Variants in MACROD2 observed in about 807,000 individuals in gnomAD.
MACROD2 encodes the protein mono-ADP ribosylhydrolase 2.
MACROD2 carries 36 observed loss-of-function variants against 70.4 expected under a neutral mutation model. The observed-to-expected ratio is 0.51, with a 90% CI of 0.39 to 0.68. The LOEUF (loss-of-function observed/expected upper bound fraction) is 0.68, where lower values mean the gene tolerates loss of function less well. Ranked by LOEUF, MACROD2 falls within the 30% of genes least tolerant of loss-of-function variation. The pLI is 0.00. For missense variants in MACROD2, 496 were observed against 538.4 expected, an observed-to-expected ratio of 0.92 and a Z score of 0.78; for synonymous variants, 172 against 178.8, an observed-to-expected ratio of 0.96 and a Z score of 0.30.
chr20:15,153,482 C>T (rs1385771437), intron 5 of MACROD2, among the ~76,000 whole-genome samples: 1 of 152,090 alleles, frequency 6.6e-6, no homozygotes, highest in Admixed American at 6.5e-5. Flanking sequence ...GATGGCTTAG[C>T]TTGGGCTCAG....
intron 6 of MACROD2, among the ~76,000 whole-genome samples, chr20:15,274,205 G>A (rs926512190): frequency 6.6e-6 from 1 of 152,156 alleles, no homozygotes; most frequent in African/African-American, 2.4e-5. Flanking sequence ...CTGGAATACA[G>A]CCATCAGGAT....
intron 3 of MACROD2, among the ~76,000 whole-genome samples, chr20:14,440,623 G>A (rs564191214): frequency 8.5e-5 from 13 of 152,298 alleles, no homozygotes; most frequent in South Asian, 4.1e-4. Context: ...AAAATGAGAC[G>A]TCTGTAGAAG....
chr20:15,660,738 A>C (rs895212122), intron 8 of MACROD2, among the ~76,000 whole-genome samples: 1 of 152,208 alleles, frequency 6.6e-6, no homozygotes, highest in Non-Finnish European at 1.5e-5. Flanking sequence ...ACCCACAGGC[A>C]TGAACTGTGG....
At chr20:15,059,798 T>A (rs2075517360) in intron 5 of MACROD2, among the ~76,000 whole-genome samples, 1 of 152,220 alleles carries the variant, frequency 6.6e-6, no homozygotes, top group African/African-American at 2.4e-5. Context: ...TCCTTGCCTC[T>A]AACATCACTT....
At chr20:14,327,425 C>T (rs2082754690) in intron 3 of MACROD2, 1 of 1,613,576 alleles carries the variant, frequency 6.2e-7, no homozygotes, top group South Asian at 1.1e-5. Flanking sequence ...CAGGATTTAG[C>T]CATAACTGAT....
chr20:14,007,199 T>A lies in MACROD2; in HGVS notation c.163+4795T>A, dbSNP rs78217607. 2.0e-3 allele frequency among the ~76,000 whole-genome samples: 303 copies of A among 152,126 alleles called. 7 individuals are homozygous for A. In the East Asian group the frequency reaches 0.049, roughly 24 times the overall value. ...TGTCAGACTTCTATAAAGAGGAACT[T>A]TCTGTTATTAAGTCTTTTATTATGC... On this transcript the variant is annotated intron_variant, in intron 2 of 17. Transcript: ENST00000684519.
intron 6 of MACROD2, among the ~76,000 whole-genome samples, chr20:15,308,247 TTGA>T (rs777604614): frequency 7.8e-4 from 119 of 152,316 alleles, no homozygotes; most frequent in Non-Finnish European, 1.3e-3. Flanking sequence ...TTAGCAACAA[TTGA>T]TGATTCTTAT....
intron 6 of MACROD2, among the ~76,000 whole-genome samples, chr20:15,369,733 A>G (rs1230281865): frequency 1.3e-5 from 2 of 152,170 alleles, no homozygotes; most frequent in African/African-American, 4.8e-5. Context: ...GAAAGCCTAC[A>G]GCGTTGATTT....
chr20:15,312,422 C>T (rs2077762883), intron 6 of MACROD2, among the ~76,000 whole-genome samples: 1 of 152,054 alleles, frequency 6.6e-6, no homozygotes, highest in African/African-American at 2.4e-5. Context: ...GTTTTAAGGG[C>T]TTGGGGAGAA....
At chr20:16,037,536 AAAT>A (rs1335957150) in intron 15 of MACROD2, among the ~76,000 whole-genome samples, 2 of 151,950 alleles carry the variant, frequency 1.3e-5, no homozygotes, top group East Asian at 1.9e-4. Context: ...CATTTCATAT[AAAT>A]AATAATAATA....
At chr20:14,429,498 A>T (rs1461641207) in intron 3 of MACROD2, among the ~76,000 whole-genome samples, 1 of 152,232 alleles carries the variant, frequency 6.6e-6, no homozygotes, top group African/African-American at 2.4e-5. Flanking sequence ...TATTTAGAAG[A>T]TCAGAGAAAG....
intron 2 of MACROD2, among the ~76,000 whole-genome samples, chr20:14,050,257 A>G (rs181140051): frequency 1.0e-3 from 157 of 152,222 alleles, no homozygotes; most frequent in Admixed American, 3.0e-3. Context: ...TGGGATTGGA[A>G]AGAGCCTGAG....
At chr20:15,324,148 A>G (rs1055016339) in intron 6 of MACROD2, among the ~76,000 whole-genome samples, 15 of 152,102 alleles carry the variant, frequency 9.9e-5, no homozygotes, top group African/African-American at 3.6e-4. Context: ...GTGCTATAAA[A>G]CAGAAATATG....
chr20:15,729,825 G>A (rs1386017057), intron 8 of MACROD2, among the ~76,000 whole-genome samples: 4 of 18,770 alleles, frequency 2.1e-4, no homozygotes, highest in South Asian at 1.6e-3. Flanking sequence ...ATGCAGTTGG[G>A]TCATGCTTTT....
chr20:14,676,980 C>G (rs1227279575), intron 4 of MACROD2, among the ~76,000 whole-genome samples: 1 of 152,106 alleles, frequency 6.6e-6, no homozygotes, highest in African/African-American at 2.4e-5. Context: ...TTTTCAAAAT[C>G]TGTATTTAGA....
chr20:15,367,069 C>T (rs2045420872), intron 6 of MACROD2, among the ~76,000 whole-genome samples: 1 of 150,526 alleles, frequency 6.6e-6, no homozygotes, highest in African/African-American at 2.5e-5. Flanking sequence ...ACTCTGTTGC[C>T]CAGGCTGGAG....
intron 3 of MACROD2, among the ~76,000 whole-genome samples, chr20:14,239,460 A>G (rs2081909898): frequency 1.3e-5 from 2 of 152,182 alleles, no homozygotes; most frequent in Admixed American, 6.5e-5. Flanking sequence ...TTTTCTACCT[A>G]TCTTTAAACT....
Position 14,668,155 on chromosome 20 carries a change from T to TA in MACROD2, c.302-16676dup, listed in dbSNP as rs532897421. ...GGCAACAGAGTGAGACCCTGTCTCT[T>TA]AAAAAAAAAAAAGGCTCTCACTTTT... On this transcript the variant is annotated intron_variant, in intron 4 of 17. Transcript: ENST00000684519. Among the ~76,000 whole-genome samples, 207 of 143,026 alleles carry TA rather than the reference T, an allele frequency of 1.4e-3. 1 individual carries two copies. Among genetic ancestry groups the TA allele is most frequent in the South Asian group, 7.0e-3 (31 of 4,438 alleles). 93.8% of individuals were successfully genotyped at this position (143,026 alleles called of 152,430 possible). A position where few individuals can be genotyped will look rare whatever the true frequency, so the allele number is the denominator to read the frequency against.
chr20:15,536,864 T>C (rs2047882106), intron 8 of MACROD2, among the ~76,000 whole-genome samples: 1 of 152,168 alleles, frequency 6.6e-6, no homozygotes, highest in Admixed American at 6.5e-5. Flanking sequence ...TCACCTCTTG[T>C]TTATAATGCT....
Sources: allele counts gnomAD v4.1 joint callset (sites outside exome capture counted in the v4.1 genomes callset), GRCh38; gene constraint gnomAD v4.1.1; transcripts MANE v1.5; gene names NCBI Gene and HGNC (gene_info 2026-07-23, HGNC 2026-07-21).